Variants in INSL6 observed in about 807,000 individuals in gnomAD.
INSL6 encodes insulin-like peptide INSL6.
In INSL6, 16 loss-of-function variants were observed where a neutral mutation model predicts 9.4. The ratio of observed to expected loss-of-function variants is 1.70; its 90% CI spans 1.15 to 2.59. The LOEUF (loss-of-function observed/expected upper bound fraction) is 2.59, where lower values mean the gene tolerates loss of function less well. Among genes scored for constraint, INSL6 ranks in the 30% most tolerant of loss-of-function variants. INSL6 has a pLI of 0.00. For missense variants in INSL6, 391 were observed against 257.3 expected (o/e 1.52, Z -3.56); for synonymous variants, 154 against 96.9 (o/e 1.59, Z -3.46).
the INSL6 span, chr9:5,080,606 A>C: frequency 6.2e-7 from 1 of 1,608,672 alleles, no homozygotes; most frequent in East Asian, 2.2e-5. Context: ...CTTATAAATA[A>C]TTGTATGGAT....
chr9:5,171,359 C>G (rs1390438668), intron 1 of INSL6, among the ~76,000 whole-genome samples: 1 of 152,126 alleles, frequency 6.6e-6, no homozygotes, highest in African/African-American at 2.4e-5. Context: ...CCATTTATGA[C>G]AAACCCACGG....
the INSL6 span, among the ~76,000 whole-genome samples, chr9:5,046,879 G>T: frequency 6.6e-6 from 1 of 152,022 alleles, no homozygotes; most frequent in Non-Finnish European, 1.5e-5. Flanking sequence ...ATATTTTGGG[G>T]GTAGGCTAGT....
the INSL6 span, among the ~76,000 whole-genome samples, chr9:5,118,179 T>C: frequency 6.6e-6 from 1 of 152,088 alleles, no homozygotes; most frequent in African/African-American, 2.4e-5. Context: ...AAATAAATAG[T>C]GCAGCAATTT....
At chr9:5,036,051 A>G in the INSL6 span, among the ~76,000 whole-genome samples, 17 of 152,250 alleles carry the variant, frequency 1.1e-4, no homozygotes. Flanking sequence ...TACAAAATCA[A>G]TGTGCAAAAA....
At chr9:5,179,998 T>C (rs527598643) in intron 1 of INSL6, among the ~76,000 whole-genome samples, 31 of 152,280 alleles carry the variant, frequency 2.0e-4, no homozygotes, top group African/African-American at 7.5e-4. Flanking sequence ...CTCCTGAACT[T>C]AGAAGGTGAA....
At chr9:5,130,639 A>T (rs1232057820) in intron 3 of INSL6, among the ~76,000 whole-genome samples, 1 of 152,208 alleles carries the variant, frequency 6.6e-6, no homozygotes. Flanking sequence ...TTAATAATAA[A>T]AAAGTTTAAG....
At chr9:5,060,041 C>T in the INSL6 span, among the ~76,000 whole-genome samples, 1 of 152,164 alleles carries the variant, frequency 6.6e-6, no homozygotes, top group Non-Finnish European at 1.5e-5. Context: ...AAGTGAGTCA[C>T]ATAAATTTTT....
chr9:5,179,621 A>G (rs917770382), intron 1 of INSL6, among the ~76,000 whole-genome samples: 2 of 152,260 alleles, frequency 1.3e-5, no homozygotes, highest in African/African-American at 4.8e-5. Flanking sequence ...TAAACTGGAT[A>G]TAGAAAACTT....
the INSL6 span, chr9:5,041,064 C>A: frequency 1.4e-6 from 1 of 690,060 alleles, no homozygotes; most frequent in South Asian, 1.5e-5. Flanking sequence ...AGAGGGCGTC[C>A]CTCAGGTCTA....
intron 2 of INSL6, among the ~76,000 whole-genome samples, chr9:5,139,352 A>G (rs1180604505): frequency 6.6e-6 from 1 of 152,324 alleles, no homozygotes; most frequent in African/African-American, 2.4e-5. Context: ...TTGCACAACA[A>G]TTTGATAAAA....
chr9:5,153,147 T>G lies in INSL6; in HGVS notation c.376+11032A>C, dbSNP rs570711309. ...AGACACTGAGCTAGCTGCAGTTTTT[T>G]TTTTTTTCATACCCCAGTGGCGCCT... On this transcript the variant is annotated intron_variant, in intron 2 of 3. Transcript: ENST00000649639. Among the ~76,000 whole-genome samples the G allele has an allele frequency of 3.4e-3, 523 of 152,126 alleles. 3 individuals are homozygous for G. Among genetic ancestry groups the G allele is most frequent in the African/African-American group, 0.012 (494 of 41,514 alleles).
downstream of INSL6, among the ~76,000 whole-genome samples, chr9:5,122,043 G>A (rs377306807): frequency 6.6e-5 from 10 of 152,152 alleles, no homozygotes; most frequent in Non-Finnish European, 1.0e-4. Flanking sequence ...GTTTAATTAC[G>A]TAGTATGGAC....
the INSL6 span, chr9:5,086,043 T>A: frequency 1.3e-6 from 1 of 753,998 alleles, no homozygotes; most frequent in Non-Finnish European, 2.4e-6. Flanking sequence ...AGGTGTTAAA[T>A]GCTTCACAAG....
chr9:5,104,839 T>C, the INSL6 span, among the ~76,000 whole-genome samples: 7 of 152,046 alleles, frequency 4.6e-5, no homozygotes, highest in Non-Finnish European at 8.8e-5. Context: ...GCACAAAAGG[T>C]CTTTGACAAA....
chr9:5,070,543 C>T, the INSL6 span, among the ~76,000 whole-genome samples: 2 of 152,116 alleles, frequency 1.3e-5, no homozygotes, highest in Non-Finnish European at 2.9e-5. Flanking sequence ...ATCCTATGAA[C>T]ACTGTATTTC....
At chr9:5,150,137 A>T (rs1223203356) in intron 2 of INSL6, among the ~76,000 whole-genome samples, 1 of 152,258 alleles carries the variant, frequency 6.6e-6, no homozygotes, top group Non-Finnish European at 1.5e-5. Context: ...CTGAAACTAT[A>T]AACATTCTAG....
chr9:5,184,433 T>C (rs1275243921), intron 1 of INSL6, among the ~76,000 whole-genome samples: 1 of 152,220 alleles, frequency 6.6e-6, no homozygotes, highest in Admixed American at 6.5e-5. Context: ...CATAGTAAGA[T>C]ATACCAATGA....
At chr9:5,091,014 A>T in the INSL6 span, 1 of 875,864 alleles carries the variant, frequency 1.1e-6, no homozygotes, top group Non-Finnish European at 1.7e-6. Flanking sequence ...AGTAACAGTG[A>T]ACATTTAAGT....
intron 2 of INSL6, among the ~76,000 whole-genome samples, chr9:5,155,175 G>A (rs1824790827): frequency 6.6e-6 from 1 of 151,758 alleles, no homozygotes; most frequent in African/African-American, 2.4e-5. Context: ...GTCCTTTGTA[G>A]GGACATGGAT....
Sources: gnomAD v4.1 joint callset for allele counts (sites outside exome capture counted in the v4.1 genomes callset) on GRCh38, gnomAD v4.1.1 for gene constraint, MANE v1.5 for transcripts, NCBI Gene and HGNC (gene_info 2026-07-23, HGNC 2026-07-21) for gene names.